SELENOI: variants seen among roughly 807,000 people sequenced by gnomAD.
The protein encoded by SELENOI is ethanolaminephosphotransferase 1.
SELENOI carries 24 observed loss-of-function variants against 50.7 expected under a neutral mutation model. The ratio of observed to expected loss-of-function variants is 0.47; its 90% CI spans 0.34 to 0.67. The LOEUF (loss-of-function observed/expected upper bound fraction) is 0.67, where lower values mean the gene tolerates loss of function less well. Among genes scored for constraint, SELENOI ranks in the 30% least tolerant of loss-of-function variants. The probability of loss-of-function intolerance (pLI) is 0.01; values close to 1 mark genes in which losing one functional copy is unlikely to be tolerated. For synonymous variants in SELENOI, 155 were observed against 170.2 expected (o/e 0.91, Z 0.70); for missense variants, 352 against 461.4 (o/e 0.76, Z 2.17).
intron 1 of SELENOI, among the ~76,000 whole-genome samples, chr2:26,352,514 G>T (rs1574748276): frequency 2.0e-5 from 3 of 152,302 alleles, no homozygotes; most frequent in East Asian, 3.9e-4. Flanking sequence ...GCCGGGTGCG[G>T]TGGCTCACGC....
chr2:26,370,335 G>A (rs1424594537), intron 4 of SELENOI, among the ~76,000 whole-genome samples: 1 of 151,404 alleles, frequency 6.6e-6, no homozygotes, highest in East Asian at 1.9e-4. Context: ...CCACAAAGCC[G>A]CCATTGTCAT....
At chr2:26,373,957 G>GGGCTACTCTA (rs1677512990) in intron 5 of SELENOI, among the ~76,000 whole-genome samples, 25 of 152,200 alleles carry the variant, frequency 1.6e-4, no homozygotes, top group Admixed American at 1.4e-3. Flanking sequence ...TCACTATGTT[G>GGGCTACTCTA]GCTGGGCTGG....
At chr2:26,363,460 G>C (rs577472197) in intron 1 of SELENOI, among the ~76,000 whole-genome samples, 4 of 152,292 alleles carry the variant, frequency 2.6e-5, no homozygotes, top group African/African-American at 9.6e-5. Flanking sequence ...GCATTTTGCT[G>C]ATCCTGCATA....
At chr2:26,360,593 A>G (rs1343689242) in intron 1 of SELENOI, among the ~76,000 whole-genome samples, 3 of 152,226 alleles carry the variant, frequency 2.0e-5, no homozygotes, top group Non-Finnish European at 2.9e-5. Flanking sequence ...TGTGCACTAT[A>G]TTAGGTATTC....
intron 8 of SELENOI, among the ~76,000 whole-genome samples, chr2:26,386,004 G>T (rs776726925): frequency 2.0e-5 from 3 of 152,116 alleles, no homozygotes; most frequent in African/African-American, 4.8e-5. Flanking sequence ...TTGTGTGGGG[G>T]TGTGGGAGGC....
intron 6 of SELENOI, among the ~76,000 whole-genome samples, chr2:26,382,428 A>C (rs940777875): frequency 9.2e-5 from 14 of 152,238 alleles, no homozygotes; most frequent in African/African-American, 3.4e-4. Flanking sequence ...AGCAGTCAGG[A>C]ATGAAAAAAC....
intron 6 of SELENOI, 70 bp from the exon 7 acceptor site, chr2:26,383,229 T>C: frequency 8.5e-7 from 1 of 1,178,506 alleles, no homozygotes; most frequent in Non-Finnish European, 1.2e-6. Flanking sequence ...AAATTTGTTT[T>C]GCATGATTCA....
chr2:26,376,037 A>G (rs1251372394), intron 6 of SELENOI, among the ~76,000 whole-genome samples: 1 of 150,340 alleles, frequency 6.7e-6, no homozygotes, highest in Non-Finnish European at 1.5e-5. Context: ...CCAGTGAGCT[A>G]TGATCGCATG....
In SELENOI at chr2:26,393,050, A is replaced by C. The variant is rs1302554221; in HGVS notation, c.*3947A>C. On this transcript the variant is annotated 3_prime_UTR_variant, in exon 10 of 10. Coordinates refer to ENST00000260585, the MANE Select transcript of SELENOI (RefSeq NM_033505.4). ...AACTTGAACGTATGATGCTCTGGAC[A>C]TTTTAGGAAGCTTAAGTAAATTTCT... 6.6e-6 allele frequency: 1 copy of C among 152,664 alleles called. No individual in the cohort carries two copies. The highest frequency in any genetic ancestry group is 1.5e-5 in the Non-Finnish European group (1 of 68,052). The allele number at this position is 152,664 out of a possible 1,614,324, so 9.5% of individuals were successfully genotyped here. A position where few individuals can be genotyped will look rare whatever the true frequency, so the allele number is the denominator to read the frequency against.
chr2:26,386,432 G>A lies in SELENOI; in HGVS notation c.991G>A (p.Val331Ile), dbSNP rs775919741. 1.9e-6 allele frequency: 3 copies of A among 1,613,856 alleles called. No homozygotes were observed. The South Asian group carries it at 3.3e-5, about 18-fold the overall frequency. ...GTTGCTGGTTCCTCTCTTCTTGGTT[G>A]TCTTAGTGGTAAACCTAGGAGTAGC... Reference protein sequence around the residue: ...NWLLVPLFLVVLVVNLGVASY... With the variant: ...NWLLVPLFLVILVVNLGVASY... Residue 331 changes from valine (V) to isoleucine (I), a missense_variant, in exon 9 of 10, where the codon GTC becomes ATC. Coordinates refer to ENST00000260585, the MANE Select transcript of SELENOI (RefSeq NM_033505.4).
intron 7 of SELENOI, among the ~76,000 whole-genome samples, chr2:26,383,986 G>T (rs1365261718): frequency 6.6e-6 from 1 of 152,224 alleles, no homozygotes; most frequent in African/African-American, 2.4e-5. Flanking sequence ...GTTCCTGTCT[G>T]GGTTGCGGGG....
At chr2:26,383,260 C>G (rs1384908801) in intron 6 of SELENOI, 39 bp from the exon 7 acceptor site, 1 of 1,449,584 alleles carries the variant, frequency 6.9e-7, no homozygotes, top group Admixed American at 2.4e-5. Context: ...AATAATTGCT[C>G]TTGAATAAGC....
chr2:26,349,140 C>T (rs532609611), intron 1 of SELENOI, among the ~76,000 whole-genome samples: 64 of 141,374 alleles, frequency 4.5e-4, no homozygotes, highest in African/African-American at 1.5e-3. Flanking sequence ...CTCAGCCTCC[C>T]GAGTAGCTGG....
At chr2:26,378,762 G>A (rs1677621606) in intron 6 of SELENOI, among the ~76,000 whole-genome samples, 1 of 152,168 alleles carries the variant, frequency 6.6e-6, no homozygotes, top group Non-Finnish European at 1.5e-5. Context: ...ATCATCATTT[G>A]TGAGAAGAAT....
At chr2:26,356,269 C>T (rs2147945731) in intron 1 of SELENOI, among the ~76,000 whole-genome samples, 1 of 152,264 alleles carries the variant, frequency 6.6e-6, no homozygotes, top group South Asian at 2.1e-4. Flanking sequence ...GTGATCCTCC[C>T]ACTTCAGCCT....
At chr2:26,385,445 A>G (rs923588241) in intron 8 of SELENOI, among the ~76,000 whole-genome samples, 3 of 152,364 alleles carry the variant, frequency 2.0e-5, no homozygotes, top group African/African-American at 7.2e-5. Context: ...GACTCTAAAT[A>G]TATTACCAGT....
rs57102834 is a variant in SELENOI at position 26,381,198 on chromosome 2, C to CTTTTTTTTTTTTT, written c.683-2082_683-2070dup. On this transcript the variant is annotated intron_variant, in intron 6 of 9. Transcript: ENST00000260585. The stretch of plus-strand genomic sequence containing the variant: ...TGGATTGTATCTCCTTCAGTTTGGT[C>CTTTTTTTTTTTTT]TTTTTTTTTTTTTTTTTTTTTTTTT... Among the ~76,000 whole-genome samples, 28 of 30,200 alleles carry CTTTTTTTTTTTTT rather than the reference C, an allele frequency of 9.3e-4. 5 individuals are homozygous for CTTTTTTTTTTTTT. Among genetic ancestry groups the CTTTTTTTTTTTTT allele is most frequent in the African/African-American group, 3.8e-3 (21 of 5,532 alleles). 19.8% of individuals were successfully genotyped at this position (30,200 alleles called of 152,430 possible).
intron 1 of SELENOI, among the ~76,000 whole-genome samples, chr2:26,348,032 A>G (rs867475593): frequency 1.3e-5 from 2 of 152,062 alleles, no homozygotes; most frequent in African/African-American, 2.4e-5. Context: ...TTCCTTGGGG[A>G]AAAAAAAGCA....
intron 5 of SELENOI, 103 bp downstream of exon 5, chr2:26,373,732 G>T: frequency 8.4e-7 from 1 of 1,196,626 alleles, no homozygotes; most frequent in Non-Finnish European, 1.1e-6. Context: ...GATTAGAATT[G>T]ATATGTACTT....
Sources: gnomAD v4.1 joint callset for allele counts (sites outside exome capture counted in the v4.1 genomes callset) on GRCh38, gnomAD v4.1.1 for gene constraint, MANE v1.5 for transcripts, NCBI Gene and HGNC (gene_info 2026-07-23, HGNC 2026-07-21) for gene names.